The following AKAP13 variants were observed in gnomAD, a reference collection of about 807,000 sequenced individuals.
AKAP13 encodes A-kinase anchoring protein 13, also known as A-kinase anchor protein 13.
Under a neutral mutation model 264.5 loss-of-function variants are expected in AKAP13, and 80 were observed. The ratio of observed to expected loss-of-function variants is 0.30; its 90% CI spans 0.25 to 0.36. The LOEUF (loss-of-function observed/expected upper bound fraction) is 0.36, where lower values mean the gene tolerates loss of function less well. AKAP13 is among the 10% of genes least tolerant of loss of function. The pLI is 1.00. For synonymous variants in AKAP13, 1,380 were observed against 1,250.2 expected, an observed-to-expected ratio of 1.10 and a Z score of -2.19; for missense variants, 3,712 against 3,435.2, an observed-to-expected ratio of 1.08 and a Z score of -2.01.
Position 85,529,774 on chromosome 15 carries a change from T to C in AKAP13, c.182-3810T>C, listed in dbSNP as rs548466510. Among the ~76,000 whole-genome samples the C allele has an allele frequency of 1.7e-4, 26 of 152,314 alleles. No homozygotes were observed. The South Asian group carries it at 4.6e-3, about 27-fold the overall frequency. ...TTTATTCTTGATCAGTAGTAACGCT[T>C]CCAATGTACTCTTAAGTTTAATAAA... is the stretch of plus-strand genomic sequence containing the variant. On this transcript the variant is annotated intron_variant, in intron 3 of 36. Coordinates refer to ENST00000394518, the MANE Select transcript of AKAP13 (RefSeq NM_007200.5).
chr15:85,713,404 G>C (rs1443597868), intron 19 of AKAP13, among the ~76,000 whole-genome samples: 1 of 151,698 alleles, frequency 6.6e-6, no homozygotes, highest in African/African-American at 2.4e-5. Flanking sequence ...TTTTTCTTCT[G>C]ACCCATCCAC....
chr15:85,432,953 A>G (rs961712377), intron 1 of AKAP13, among the ~76,000 whole-genome samples: 1 of 151,918 alleles, frequency 6.6e-6, no homozygotes, highest in Non-Finnish European at 1.5e-5. Context: ...TATAGAAAGA[A>G]AAAAAAATAT....
chr15:85,465,051 C>T (rs1423515406), intron 1 of AKAP13, among the ~76,000 whole-genome samples: 1 of 152,066 alleles, frequency 6.6e-6, no homozygotes, highest in Admixed American at 6.5e-5. Flanking sequence ...TGCCATACTC[C>T]TGCCTCAGCC....
intron 1 of AKAP13, among the ~76,000 whole-genome samples, chr15:85,471,297 C>T (rs1209220778): frequency 6.6e-6 from 1 of 152,140 alleles, no homozygotes; most frequent in Non-Finnish European, 1.5e-5. Context: ...AGATCGAGAC[C>T]ATCCTGGCTA....
Position 85,747,234 on chromosome 15 carries a change from T to C in AKAP13, c.*2557T>C, listed in dbSNP as rs1342087103. On this transcript the variant is annotated 3_prime_UTR_variant, in exon 37 of 37. Transcript: ENST00000394518. ...TGTGCTTACATACCTTTGTCATCTC[T>C]CTTCCCCCCTTGGAAGTTGTCCTCA... 2 of 152,372 alleles carry C rather than the reference T, an allele frequency of 1.3e-5. No individual in the cohort carries two copies. Among genetic ancestry groups the C allele is most frequent in the South Asian group, 4.1e-4 (2 of 4,820 alleles). The allele number at this position is 152,372 out of a possible 1,614,324, so 9.4% of individuals were successfully genotyped here.
intron 5 of AKAP13, among the ~76,000 whole-genome samples, chr15:85,550,121 C>T (rs953120386): frequency 6.6e-6 from 1 of 152,058 alleles, no homozygotes; most frequent in Non-Finnish European, 1.5e-5. Flanking sequence ...TTCACCGTGT[C>T]GGTCAGGCTG....
chr15:85,613,403 C>G (rs567989569), intron 8 of AKAP13, among the ~76,000 whole-genome samples: 1 of 152,038 alleles, frequency 6.6e-6, no homozygotes, highest in Non-Finnish European at 1.5e-5. Flanking sequence ...GTGCTGGGGC[C>G]GGGTGCGGTG....
At chr15:85,586,966 AT>A (rs912316984) in intron 8 of AKAP13, among the ~76,000 whole-genome samples, 338 of 149,120 alleles carry the variant, frequency 2.3e-3, no homozygotes, top group Admixed American at 4.5e-3. Flanking sequence ...TTCAATCAAC[AT>A]TTTTTTTTTG....
intron 8 of AKAP13, among the ~76,000 whole-genome samples, chr15:85,607,904 A>G (rs1023822509): frequency 2.0e-5 from 3 of 152,232 alleles, no homozygotes; most frequent in Non-Finnish European, 2.9e-5. Flanking sequence ...TGAATGCCAA[A>G]ATTAACCTGG....
At chr15:85,733,151 C>A (rs2151757872) in intron 30 of AKAP13, among the ~76,000 whole-genome samples, 1 of 152,330 alleles carries the variant, frequency 6.6e-6, no homozygotes, top group African/African-American at 2.4e-5. Flanking sequence ...AGGAAAGGTT[C>A]ATGAGAGTAA....
chr15:85,562,574 A>AAAAAAAAAATAT (rs1351834745), intron 5 of AKAP13, among the ~76,000 whole-genome samples: 1 of 77,668 alleles, frequency 1.3e-5, no homozygotes, highest in African/African-American at 4.0e-5. Flanking sequence ...CAAAAAAAAA[A>AAAAAAAAAATAT]ATATATATAT....
intron 10 of AKAP13, among the ~76,000 whole-genome samples, chr15:85,648,684 C>G (rs565198614): frequency 6.6e-5 from 10 of 152,076 alleles, no homozygotes; most frequent in African/African-American, 1.9e-4. Context: ...ACAAAAAATA[C>G]CAAAATTAGC....
At chr15:85,397,580 A>G (rs1265918798) in intron 1 of AKAP13, among the ~76,000 whole-genome samples, 1 of 152,192 alleles carries the variant, frequency 6.6e-6, no homozygotes, top group Non-Finnish European at 1.5e-5. Context: ...ACTTATTGGG[A>G]ACCATTATTG....
At chr15:85,676,048 A>T (rs2084210307) in intron 14 of AKAP13, among the ~76,000 whole-genome samples, 1 of 151,996 alleles carries the variant, frequency 6.6e-6, no homozygotes. Flanking sequence ...AGTAGCTGGG[A>T]TTACAGGTGC....
In AKAP13 at chr15:85,735,141, G is replaced by A. The variant is rs2088345007; in HGVS notation, c.7432G>A (p.Ala2478Thr). Reference protein sequence around the residue: ...FGGFDSHQMNASKGGEKEEGD... With the variant: ...FGGFDSHQMNTSKGGEKEEGD... ...AGGATTTGACAGCCATCAGATGAAT[G>A]CTTCAAAAGGTAAATGATGTGAAGT... Residue 2478 changes from alanine (A) to threonine (T), a missense_variant, in exon 31 of 37, where the codon GCT (alanine) becomes ACT (threonine). Around this residue, in one of 3 missense-constraint regions of AKAP13, gnomAD observed 611 missense variants for 539.3 expected, o/e 1.13. Transcript: ENST00000394518. The A allele has an allele frequency of 6.2e-7, 1 of 1,613,526 alleles. No individual in the cohort carries two copies. The highest frequency in any genetic ancestry group is 2.2e-5 in the East Asian group (1 of 44,878).
chr15:85,468,245 T>C (rs2074827050), intron 1 of AKAP13, among the ~76,000 whole-genome samples: 1 of 152,286 alleles, frequency 6.6e-6, no homozygotes, highest in Non-Finnish European at 1.5e-5. Context: ...ATCTTTGAAA[T>C]AGCCTGAGTA....
intron 2 of AKAP13, among the ~76,000 whole-genome samples, chr15:85,506,689 G>C (rs925797748): frequency 1.3e-5 from 2 of 152,260 alleles, no homozygotes; most frequent in Middle Eastern, 3.4e-3. Context: ...CTGCTAAGGG[G>C]ACATATGAAG....
intron 1 of AKAP13, among the ~76,000 whole-genome samples, chr15:85,441,673 A>G (rs1030694237): frequency 6.6e-6 from 1 of 151,658 alleles, no homozygotes; most frequent in East Asian, 1.9e-4. Flanking sequence ...ATTTGGGTTT[A>G]TTTTTGTGTA....
intron 2 of AKAP13, among the ~76,000 whole-genome samples, chr15:85,508,072 A>G (rs931081180): frequency 6.6e-6 from 1 of 152,030 alleles, no homozygotes. Context: ...ATATTCTCAA[A>G]GCATTTCAAG....
Sources: allele counts gnomAD v4.1 joint callset (sites outside exome capture counted in the v4.1 genomes callset), GRCh38; gene constraint gnomAD v4.1.1; regional missense constraint gnomAD v4.1.1; transcripts MANE v1.5; gene names NCBI Gene and HGNC (gene_info 2026-07-23, HGNC 2026-07-21).